MYO3A: variants seen among roughly 807,000 people sequenced by gnomAD.
MYO3A encodes myosin IIIA.
MYO3A carries 180 observed loss-of-function variants against 192.7 expected under a neutral mutation model. That is an observed-to-expected ratio of 0.93 (90% CI 0.83 to 1.06). The LOEUF is 1.06. Ranked by LOEUF, MYO3A falls within the 50% of genes least tolerant of loss-of-function variation. MYO3A has a pLI of 0.00. For synonymous variants in MYO3A, 628 were observed against 645.3 expected, an observed-to-expected ratio of 0.97 and a Z score of 0.41; for missense variants, 1,896 against 1,905.0, an observed-to-expected ratio of 1.00 and a Z score of 0.09.
At chr10:26,207,952 T>C (rs1844050776) in intron 34 of MYO3A, among the ~76,000 whole-genome samples, 1 of 152,252 alleles carries the variant, frequency 6.6e-6, no homozygotes, top group Non-Finnish European at 1.5e-5. Flanking sequence ...ATTTTGTTCA[T>C]CAATGCTTTA....
chr10:25,988,716 A>T (rs1372701468), intron 4 of MYO3A, among the ~76,000 whole-genome samples: 1 of 152,180 alleles, frequency 6.6e-6, no homozygotes, highest in African/African-American at 2.4e-5. Context: ...ACAGTGGTTC[A>T]TCCATTCAGT....
chr10:26,112,241 G>A (rs144773615), intron 17 of MYO3A, among the ~76,000 whole-genome samples: 5 of 152,284 alleles, frequency 3.3e-5, no homozygotes, highest in African/African-American at 1.2e-4. Context: ...TATAACATCT[G>A]TTTTTGGATC....
intron 23 of MYO3A, among the ~76,000 whole-genome samples, chr10:26,151,619 T>G (rs1247057726): frequency 6.6e-6 from 1 of 152,222 alleles, no homozygotes; most frequent in Non-Finnish European, 1.5e-5. Flanking sequence ...TTTAATCCAG[T>G]CTGACAATCT....
intron 14 of MYO3A, among the ~76,000 whole-genome samples, chr10:26,081,141 C>CTT (rs1467086746): frequency 1.9e-5 from 2 of 103,148 alleles, no homozygotes; most frequent in African/African-American, 6.7e-5. Context: ...CTTCCCCCCC[C>CTT]CCCCGCCCCC....
chr10:26,053,826 A>AAAAAAAAGAG (rs145059792), intron 10 of MYO3A, among the ~76,000 whole-genome samples: 1 of 151,504 alleles, frequency 6.6e-6, no homozygotes, highest in African/African-American at 2.4e-5. Context: ...CTCCGTTTCA[A>AAAAAAAAGAG]AAAAAGAAAA....
chr10:26,020,532 T>C (rs931019731), intron 7 of MYO3A, among the ~76,000 whole-genome samples: 3 of 152,204 alleles, frequency 2.0e-5, no homozygotes, highest in African/African-American at 4.8e-5. Flanking sequence ...ACTTTATATA[T>C]CATTTTACAG....
At chr10:25,960,638 G>C (rs983327605) in intron 4 of MYO3A, among the ~76,000 whole-genome samples, 4 of 152,106 alleles carry the variant, frequency 2.6e-5, no homozygotes, top group Non-Finnish European at 5.9e-5. Flanking sequence ...TATTTTTACT[G>C]TTCATTAAGT....
chr10:26,051,615 A>C (rs1427772985), intron 10 of MYO3A, among the ~76,000 whole-genome samples: 3 of 148,370 alleles, frequency 2.0e-5, no homozygotes, highest in Non-Finnish European at 3.0e-5. Flanking sequence ...TTATATATTA[A>C]ATATAAATAT....
At chr10:25,996,113 G>GAGGC (rs773686517) in intron 4 of MYO3A, among the ~76,000 whole-genome samples, 43 of 152,364 alleles carry the variant, frequency 2.8e-4, no homozygotes, top group Non-Finnish European at 4.4e-4. Flanking sequence ...GGAGTCTACA[G>GAGGC]AGGCAGGCAG....
intron 23 of MYO3A, among the ~76,000 whole-genome samples, chr10:26,149,545 G>A (rs753493381): frequency 1.3e-5 from 2 of 151,968 alleles, no homozygotes; most frequent in Non-Finnish European, 2.9e-5. Flanking sequence ...AATTTCCTGA[G>A]TTTTTATCAG....
chr10:26,187,274 C>G (rs952165350), intron 31 of MYO3A, among the ~76,000 whole-genome samples: 2 of 152,056 alleles, frequency 1.3e-5, no homozygotes, highest in African/African-American at 4.8e-5. Context: ...TAGTAAGCGG[C>G]AAGAATATGG....
At chr10:25,985,518 A>G (rs1391232141) in intron 4 of MYO3A, among the ~76,000 whole-genome samples, 1 of 152,208 alleles carries the variant, frequency 6.6e-6, no homozygotes, top group Non-Finnish European at 1.5e-5. Flanking sequence ...AGATATTTCA[A>G]CTGATACCAG....
chr10:26,032,651 A>C (rs1485866433), intron 10 of MYO3A, among the ~76,000 whole-genome samples: 2 of 152,082 alleles, frequency 1.3e-5, no homozygotes, highest in Non-Finnish European at 2.9e-5. Flanking sequence ...CCAACAAAAA[A>C]AACACACAGC....
chr10:26,114,194 A>AG lies in MYO3A; in HGVS notation c.1777-6479dup, dbSNP rs1415729418. The stretch of plus-strand genomic sequence containing the variant: ...TAGACTGGATGGTGCCAGATCTGCC[A>AG]GGGATGGGCCACTTTGTCCTGGTCC... On this transcript the variant is annotated intron_variant, in intron 17 of 34. Transcript: ENST00000642920. 2.6e-5 allele frequency among the ~76,000 whole-genome samples: 4 copies of AG among 152,238 alleles called. No individual in the cohort carries two copies. The East Asian group carries it at 5.8e-4, about 22-fold the overall frequency.
Position 26,093,388 on chromosome 10 carries a change from T to C in MYO3A, c.1563-2993T>C, listed in dbSNP as rs147668043. Among the ~76,000 whole-genome samples the C allele has an allele frequency of 1.4e-3, 210 of 152,028 alleles. 1 individual carries two copies. Among genetic ancestry groups the C allele is most frequent in the African/African-American group, 4.7e-3 (194 of 41,516 alleles). ...TTTTGTGGTGAGAAAAGACAAGAACTAAAGGAAACTTTCAGTTTTGTTCTA... is the reference window on the plus strand; with the variant it reads ...TTTTGTGGTGAGAAAAGACAAGAACCAAAGGAAACTTTCAGTTTTGTTCTA... On this transcript the variant is annotated intron_variant, in intron 15 of 34. Transcript: ENST00000642920.
At chr10:26,033,434 C>T (rs1337389483) in intron 10 of MYO3A, among the ~76,000 whole-genome samples, 1 of 152,102 alleles carries the variant, frequency 6.6e-6, no homozygotes, top group African/African-American at 2.4e-5. Flanking sequence ...ACCAGAAATC[C>T]AGGGATTATC....
At position 26,135,073 on chromosome 10, in the gene MYO3A, C is replaced by G. The variant is rs144855762; in HGVS notation, c.2262+6535C>G. 2.0e-3 allele frequency among the ~76,000 whole-genome samples: 300 copies of G among 152,226 alleles called. 2 individuals carry two copies. The highest frequency in any genetic ancestry group is 7.0e-3 in the African/African-American group (289 of 41,532). ...AAACCTAAATAGGTTATCTATATTT[C>G]ATTGATTAAAATGACTCCCTCTCCT... On this transcript the variant is annotated intron_variant, in intron 20 of 34. Transcript: ENST00000642920.
chr10:26,106,737 T>C (rs1008441489), intron 17 of MYO3A, among the ~76,000 whole-genome samples: 16 of 152,180 alleles, frequency 1.1e-4, no homozygotes, highest in African/African-American at 3.9e-4. Context: ...TATAATCATA[T>C]TTTTTCCTAC....
rs754957829 is a variant in MYO3A, at chr10:26,157,296, G to C, written c.2794-14G>C. ...ATGCTACATTGGGAAATTTATTTTT[G>C]TTGTGTATTATAGTATTCCCTGATG... On this transcript the variant is annotated splice_polypyrimidine_tract_variant and intron_variant, in intron 25 of 34. Transcript: ENST00000642920. The C allele has an allele frequency of 2.1e-5, 34 of 1,612,234 alleles. No individual in the cohort carries two copies. The highest frequency in any genetic ancestry group is 2.8e-5 in the Non-Finnish European group (33 of 1,178,490).
Sources: gnomAD v4.1 joint callset for allele counts (sites outside exome capture counted in the v4.1 genomes callset) on GRCh38, gnomAD v4.1.1 for gene constraint, MANE v1.5 for transcripts, NCBI Gene and HGNC (gene_info 2026-07-23, HGNC 2026-07-21) for gene names.